STAG1: variants seen among roughly 807,000 people sequenced by gnomAD.
STAG1 encodes the protein cohesin subunit SA-1.
Under a neutral mutation model 170.9 loss-of-function variants are expected in STAG1, and 26 were observed. That is an observed-to-expected ratio of 0.15 (90% CI 0.11 to 0.21). The LOEUF (loss-of-function observed/expected upper bound fraction) is 0.21. Ranked by LOEUF, STAG1 falls within the 10% of genes least tolerant of loss-of-function variation. The pLI is 1.00. For synonymous variants in STAG1, 514 were observed against 497.7 expected (o/e 1.03, Z -0.44); for missense variants, 964 against 1,509.5 (o/e 0.64, Z 5.99).
At chr3:136,404,355 C>T (rs966960324) in intron 21 of STAG1, among the ~76,000 whole-genome samples, 3 of 152,086 alleles carry the variant, frequency 2.0e-5, no homozygotes, top group Non-Finnish European at 2.9e-5. Flanking sequence ...TAGGAGGAAA[C>T]GCTAATGTGT....
chr3:136,594,240 A>G lies in STAG1; in HGVS notation c.297+10069T>C, dbSNP rs529447263. On this transcript the variant is annotated intron_variant, in intron 4 of 33. Coordinates refer to ENST00000383202, the MANE Select transcript of STAG1 (RefSeq NM_005862.3). ...TAGTCATAGAGTAAAACTCAAGCCC[A>G]GCTTGAGAATTCCTCTCCATTTGAT... 2.6e-5 allele frequency among the ~76,000 whole-genome samples: 4 copies of G among 152,282 alleles called. No homozygotes were observed. In the East Asian group the frequency reaches 7.7e-4, roughly 29 times the overall value.
At chr3:136,463,551 C>T (rs2089334724) in intron 13 of STAG1, among the ~76,000 whole-genome samples, 1 of 151,812 alleles carries the variant, frequency 6.6e-6, no homozygotes, top group Non-Finnish European at 1.5e-5. Context: ...AAAAGATACA[C>T]ACCTATAACC....
intron 9 of STAG1, among the ~76,000 whole-genome samples, chr3:136,490,318 G>A (rs900713176): frequency 7.2e-5 from 11 of 152,182 alleles, no homozygotes; most frequent in African/African-American, 2.4e-4. Context: ...GTGAGCTACC[G>A]CACCCGACTG....
chr3:136,460,375 G>C (rs888299285), intron 13 of STAG1, among the ~76,000 whole-genome samples: 2 of 152,160 alleles, frequency 1.3e-5, no homozygotes, highest in African/African-American at 4.8e-5. Flanking sequence ...GCCAAGGTGG[G>C]TGAATCACCT....
chr3:136,348,344 T>C (rs1490935665), intron 29 of STAG1, among the ~76,000 whole-genome samples: 1 of 151,984 alleles, frequency 6.6e-6, no homozygotes, highest in Non-Finnish European at 1.5e-5. Flanking sequence ...CAGATTTTCA[T>C]GACAATTTAA....
intron 1 of STAG1, among the ~76,000 whole-genome samples, chr3:136,705,910 G>A (rs1943215218): frequency 6.6e-6 from 1 of 151,672 alleles, no homozygotes. Flanking sequence ...GAGAGGCCAA[G>A]GTGGGAGGAT....
chr3:136,650,582 C>T (rs1941183930), intron 1 of STAG1, among the ~76,000 whole-genome samples: 1 of 152,156 alleles, frequency 6.6e-6, no homozygotes, highest in South Asian at 2.1e-4. Context: ...CCAGGGCCTA[C>T]CCAAATTGTA....
intron 9 of STAG1, among the ~76,000 whole-genome samples, chr3:136,495,970 CAAAAAAAAAAA>C (rs35882097): frequency 1.6e-5 from 1 of 64,138 alleles, no homozygotes; most frequent in East Asian, 4.6e-4. Context: ...GACTCCGTCT[CAAAAAAAAAAA>C]AAAAAAAAAA....
chr3:136,357,842 G>T lies in STAG1; in HGVS notation c.2943C>A (p.Gly981=). The T allele has an allele frequency of 6.3e-7, 1 of 1,595,416 alleles. No individual in the cohort carries two copies. ...REAVATLHKD[G]IEFAFKYQNQ... is the part of the protein sequence containing the mutation. ...TTTGGTATTTAAATGCAAACTCTAT[G>T]CCATCCCTGAAGTAAAAGAAAATAT... The change falls in exon 28 of 34, where the codon GGC becomes GGA. Residue 981 remains glycine (G), a synonymous_variant. Coordinates refer to ENST00000383202, the MANE Select transcript of STAG1 (RefSeq NM_005862.3).
chr3:136,509,735 T>C (rs757961653), intron 7 of STAG1, among the ~76,000 whole-genome samples: 1 of 152,228 alleles, frequency 6.6e-6, no homozygotes, highest in Non-Finnish European at 1.5e-5. Flanking sequence ...GGAAATGGGA[T>C]GCCTAAAACG....
At chr3:136,369,497 T>C (rs1456781147) in intron 23 of STAG1, among the ~76,000 whole-genome samples, 3 of 152,284 alleles carry the variant, frequency 2.0e-5, no homozygotes, top group East Asian at 1.9e-4. Context: ...TTCCCAAATA[T>C]AACCTATTTC....
intron 4 of STAG1, among the ~76,000 whole-genome samples, chr3:136,589,382 G>A (rs1938028145): frequency 6.6e-5 from 10 of 152,040 alleles, no homozygotes; most frequent in Admixed American, 5.9e-4. Flanking sequence ...GCGTGTGCCT[G>A]TAATCCCAGC....
intron 5 of STAG1, among the ~76,000 whole-genome samples, chr3:136,557,579 G>A (rs1021569087): frequency 6.6e-6 from 1 of 152,134 alleles, no homozygotes; most frequent in African/African-American, 2.4e-5. Flanking sequence ...GTCACACTCT[G>A]TTGCCCAGGC....
At chr3:136,447,366 G>A (rs1360221228) in intron 14 of STAG1, among the ~76,000 whole-genome samples, 1 of 151,766 alleles carries the variant, frequency 6.6e-6, no homozygotes, top group Non-Finnish European at 1.5e-5. Context: ...CTACTCAGGA[G>A]GCTGAGGCAG....
chr3:136,512,839 C>A (rs1233672610), intron 7 of STAG1, among the ~76,000 whole-genome samples: 1 of 152,096 alleles, frequency 6.6e-6, no homozygotes, highest in East Asian at 1.9e-4. Flanking sequence ...AACACACACA[C>A]CCCTCTGCTA....
chr3:136,687,378 T>C (rs1343946798), intron 1 of STAG1, among the ~76,000 whole-genome samples: 1 of 152,204 alleles, frequency 6.6e-6, no homozygotes, highest in Non-Finnish European at 1.5e-5. Context: ...GTTTTTGTAA[T>C]CTGTTAAATT....
At chr3:136,509,059 GAAC>G (rs769618368) in intron 7 of STAG1, among the ~76,000 whole-genome samples, 4 of 152,340 alleles carry the variant, frequency 2.6e-5, no homozygotes, top group South Asian at 4.1e-4. Context: ...ATGAGAGTGA[GAAC>G]AACTTGAGAG....
At chr3:136,591,169 A>G (rs1439682211) in intron 4 of STAG1, among the ~76,000 whole-genome samples, 1 of 143,090 alleles carries the variant, frequency 7.0e-6, no homozygotes, top group African/African-American at 2.5e-5. Flanking sequence ...AGCTTTAATG[A>G]GTGACCTGCA....
At chr3:136,658,953 C>T (rs1941482967) in intron 1 of STAG1, among the ~76,000 whole-genome samples, 1 of 152,118 alleles carries the variant, frequency 6.6e-6, no homozygotes, top group African/African-American at 2.4e-5. Context: ...AAGAATGAGG[C>T]AAGTATTCAT....
Sources: gnomAD v4.1 joint callset for allele counts (sites outside exome capture counted in the v4.1 genomes callset) on GRCh38, gnomAD v4.1.1 for gene constraint, MANE v1.5 for transcripts, NCBI Gene and HGNC (gene_info 2026-07-23, HGNC 2026-07-21) for gene names.